Variants in CENPU observed in about 807,000 individuals in gnomAD.
CENPU encodes KSHV latent nuclear antigen interacting protein 1.
In CENPU, 46 loss-of-function variants were observed where a neutral mutation model predicts 56.7. That is an observed-to-expected ratio of 0.81 (90% confidence interval 0.64 to 1.04). The LOEUF (loss-of-function observed/expected upper bound fraction) is 1.04. CENPU is among the 50% of genes least tolerant of loss of function. CENPU has a pLI of 0.00. For synonymous variants in CENPU, 166 were observed against 163.0 expected (o/e 1.02, Z -0.14); for missense variants, 510 against 490.1 (o/e 1.04, Z -0.38).
chr4:184,731,306 G>A lies in CENPU; in HGVS notation c.48-338C>T, dbSNP rs1486227997. On this transcript the variant is annotated intron_variant, in intron 1 of 12. Transcript: ENST00000281453. ...TCCATCCGGTGCCTGGCTCTCCTAC[G>A]TCCTTTTCTCATTTAATTCTAACAG... Among the ~76,000 whole-genome samples the A allele has an allele frequency of 5.9e-5, 9 of 152,232 alleles. No homozygotes were observed. The East Asian group carries it at 7.7e-4, about 13-fold the overall frequency.
rs59124760 is a variant in CENPU, at chr4:184,727,116, C to CAA, written c.214+1800_214+1801dup. 5.9e-3 allele frequency among the ~76,000 whole-genome samples: 515 copies of CAA among 86,758 alleles called. 6 individuals are homozygous for CAA. Among genetic ancestry groups the CAA allele is most frequent in the African/African-American group, 0.02 (490 of 24,262 alleles). The allele number at this position is 86,758 out of a possible 152,430, so 56.9% of individuals were successfully genotyped here. On this transcript the variant is annotated intron_variant, in intron 3 of 12. Coordinates refer to ENST00000281453, the MANE Select transcript of CENPU (RefSeq NM_024629.4). ...AGGTGACAGAGGAAGACTTCGTCTCCAAAAAAAAAAAAAAAAAATTTCTGA... is the reference window on the plus strand; with the variant it reads ...AGGTGACAGAGGAAGACTTCGTCTCCAAAAAAAAAAAAAAAAAAAATTTCTGA...
chr4:184,712,893 C>T (rs747652282), intron 7 of CENPU, 51 bp downstream of exon 7: 2 of 1,248,932 alleles, frequency 1.6e-6, no homozygotes, highest in Admixed American at 4.3e-5. Context: ...GGTCTTATTT[C>T]TCTTATGAAA....
intron 7 of CENPU, 67 bp from the exon 8 acceptor site, chr4:184,710,247 AGCCTG>A: frequency 1.0e-6 from 1 of 977,876 alleles, no homozygotes; most frequent in Admixed American, 2.1e-5. Context: ...GGGTTCTGAA[AGCCTG>A]ACACAAAAAT....
intron 4 of CENPU, among the ~76,000 whole-genome samples, chr4:184,724,097 T>C (rs2150226716): frequency 6.6e-6 from 1 of 151,668 alleles, no homozygotes; most frequent in East Asian, 2.0e-4. Flanking sequence ...ACCCCGTCTC[T>C]ACTAAAAATA....
At chr4:184,722,434 A>G (rs1198674734) in intron 4 of CENPU, among the ~76,000 whole-genome samples, 3 of 152,160 alleles carry the variant, frequency 2.0e-5, no homozygotes, top group Admixed American at 6.5e-5. Flanking sequence ...TTTGCTTTTA[A>G]CAAGTAGCTC....
rs375081091 is a variant in CENPU, at chr4:184,695,260, A to T, written c.*28T>A. 4.2e-5 allele frequency: 61 copies of T among 1,449,378 alleles called. No individual in the cohort carries two copies. The highest frequency in any genetic ancestry group is 5.6e-5 in the Non-Finnish European group (58 of 1,030,578). The allele number at this position is 1,449,378 out of a possible 1,614,324, so 89.8% of individuals were successfully genotyped here. A position where few individuals can be genotyped will look rare whatever the true frequency, so the allele number is the denominator to read the frequency against. On this transcript the variant is annotated 3_prime_UTR_variant, in exon 13 of 13. Coordinates refer to ENST00000281453, the MANE Select transcript of CENPU (RefSeq NM_024629.4). ...GTAACAGCATGAGACTAGTCTTCCT[A>T]TAGGCACATTTTAGTAGACTGCTCT... is the stretch of plus-strand genomic sequence containing the variant.
At chr4:184,719,316 G>A (rs1761195832) in intron 4 of CENPU, among the ~76,000 whole-genome samples, 3 of 152,218 alleles carry the variant, frequency 2.0e-5, no homozygotes, top group Admixed American at 6.5e-5. Context: ...CAGTGGCTGC[G>A]TGGCACAGAG....
At chr4:184,728,822 A>G in intron 3 of CENPU, 96 bp downstream of exon 3, 1 of 884,740 alleles carries the variant, frequency 1.1e-6, no homozygotes, top group Non-Finnish European at 1.8e-6. Context: ...GCAGGCAACT[A>G]ATTTTTATAT....
chr4:184,712,541 C>T (rs956864754), intron 7 of CENPU, among the ~76,000 whole-genome samples: 1 of 152,176 alleles, frequency 6.6e-6, no homozygotes, highest in African/African-American at 2.4e-5. Flanking sequence ...AAAGAAAAAA[C>T]TGTAAACACA....
chr4:184,731,008 TA>T, intron 1 of CENPU, 40 bp from the exon 2 acceptor site: 1 of 1,429,830 alleles, frequency 7.0e-7, no homozygotes, highest in African/African-American at 1.5e-5. Context: ...AGGAAATAGT[TA>T]AAATAACTGA....
chr4:184,703,141 C>T (rs1457641889), intron 8 of CENPU, among the ~76,000 whole-genome samples: 1 of 152,180 alleles, frequency 6.6e-6, no homozygotes, highest in African/African-American at 2.4e-5. Context: ...CCTAAGCCCT[C>T]TGGTACGGGG....
intron 1 of CENPU, among the ~76,000 whole-genome samples, chr4:184,733,584 G>T (rs1388458822): frequency 1.3e-5 from 2 of 152,302 alleles, no homozygotes; most frequent in African/African-American, 4.8e-5. Flanking sequence ...TCCAGTTTAC[G>T]GTCTGTGGTT....
chr4:184,710,339 GCA>G (rs748815831), intron 7 of CENPU, 159 bp from the exon 8 acceptor site: 14 of 473,374 alleles, frequency 3.0e-5, no homozygotes, highest in Non-Finnish European at 4.5e-5. Context: ...TTATCCCTGT[GCA>G]CAGTCTCGCA....
chr4:184,713,399 GA>G (rs562048532), intron 6 of CENPU, among the ~76,000 whole-genome samples: 57 of 151,786 alleles, frequency 3.8e-4, no homozygotes, highest in Non-Finnish European at 7.2e-4. Flanking sequence ...GTCTCAAGAA[GA>G]AAAAAAACTT....
intron 2 of CENPU, 49 bp downstream of exon 2, chr4:184,730,871 T>G: frequency 6.7e-7 from 1 of 1,484,184 alleles, no homozygotes; most frequent in South Asian, 1.3e-5. Flanking sequence ...AAAAATGTTA[T>G]TTTGTACTGT....
rs112935572 is a variant in CENPU, at chr4:184,729,051, G to A, written c.97-16C>T. 60 of 1,586,804 alleles carry A rather than the reference G, an allele frequency of 3.8e-5. No homozygotes were observed. The African/African-American group carries it at 4.7e-4, about 12-fold the overall frequency. On this transcript the variant is annotated splice_polypyrimidine_tract_variant and intron_variant, in intron 2 of 12. Transcript: ENST00000281453. ...GACCAGCTTTCTAAAAGTGAATAAAGTTGAGTCATTGAGTTGGCTCTCACA... is the reference window on the plus strand; with the variant it reads ...GACCAGCTTTCTAAAAGTGAATAAAATTGAGTCATTGAGTTGGCTCTCACA...
At position 184,700,849 on chromosome 4, in the gene CENPU, A is replaced by G; in HGVS notation, c.957T>C (p.Arg319=). The change falls in exon 11 of 13, where the codon CGT becomes CGC. Residue 319 remains arginine (R), a synonymous_variant. Coordinates refer to ENST00000281453, the MANE Select transcript of CENPU (RefSeq NM_024629.4). ...GCAGTTCATCCTGGACTTCAATCAT[A>G]CGCTGCCTTTTCTTTTCGATATCTG... ...MISDIEKKRQ[R]MIEVQDELLR... 1 of 1,613,914 alleles carries G rather than the reference A, an allele frequency of 6.2e-7. No homozygotes were observed. Among genetic ancestry groups the G allele is most frequent in the Middle Eastern group, 1.6e-4 (1 of 6,062 alleles).
At chr4:184,697,600 C>G (rs376256017) in intron 12 of CENPU, 47 bp downstream of exon 12, 1 of 1,581,934 alleles carries the variant, frequency 6.3e-7, no homozygotes, top group Non-Finnish European at 8.7e-7. Context: ...AAAATGCCCT[C>G]CCACAATCAT....
chr4:184,724,645 C>T (rs537358797), intron 4 of CENPU, among the ~76,000 whole-genome samples: 1 of 152,250 alleles, frequency 6.6e-6, no homozygotes, highest in South Asian at 2.1e-4. Flanking sequence ...ATGAAAGAGA[C>T]CTCCCAAAAA....
Sources: allele counts gnomAD v4.1 joint callset (sites outside exome capture counted in the v4.1 genomes callset), GRCh38; gene constraint gnomAD v4.1.1; transcripts MANE v1.5; gene names NCBI Gene and HGNC (gene_info 2026-07-23, HGNC 2026-07-21).